The following FGF13 variants were observed in gnomAD, a reference collection of about 807,000 sequenced individuals.
FGF13 encodes fibroblast growth factor 13, also known as fibroblast growth factor homologous factor 2.
In FGF13, 2 loss-of-function variants were observed where a neutral mutation model predicts 19.5. The observed-to-expected ratio is 0.10, with a 90% CI of 0.04 to 0.32. The LOEUF (loss-of-function observed/expected upper bound fraction) is 0.32, where lower values mean the gene tolerates loss of function less well. Ranked by LOEUF, FGF13 falls within the 10% of genes least tolerant of loss-of-function variation. FGF13 has a pLI of 1.00. For synonymous variants in FGF13, 72 were observed against 76.9 expected (o/e 0.94, Z 0.33); for missense variants, 113 against 192.7 (o/e 0.59, Z 2.45).
rs762085807 is a variant in FGF13 at position 138,702,990 on chromosome X, G to A, written c.396C>T (p.Tyr132=). The A allele has an allele frequency of 2.5e-6, 3 of 1,192,106 alleles. No homozygotes were observed. The highest frequency in any genetic ancestry group is 3.4e-6 in the Non-Finnish European group (3 of 877,536). Residue 132 remains tyrosine, a synonymous_variant, in exon 3 of 5, where the codon TAC becomes TAT. Transcript: ENST00000315930. ...YLAMNSEGYL[Y]TSELFTPECK... ...CACACAGTCAAAAGCTTACCGAGGT[G>A]TACAAGTATCCCTCACTGTTCATTG...
At chrX:138,914,720 T>C (rs771528977) in intron 1 of FGF13, among the ~76,000 whole-genome samples, 1 of 105,605 alleles carries the variant, frequency 9.5e-6, no homozygotes, top group Non-Finnish European at 1.9e-5. Flanking sequence ...CAAAAAGACC[T>C]CCCATGCTTA....
chrX:138,903,284 G>A (rs1386563360), intron 1 of FGF13, among the ~76,000 whole-genome samples: 3 of 111,556 alleles, frequency 2.7e-5, no homozygotes, highest in Non-Finnish European at 5.6e-5. Context: ...CAATCAATCT[G>A]GTCCAGGAAA....
chrX:139,052,981 T>G (rs1477674281), intron 1 of FGF13, among the ~76,000 whole-genome samples: 1 of 110,410 alleles, frequency 9.1e-6, no homozygotes, highest in Non-Finnish European at 1.9e-5. Context: ...GCACACTATT[T>G]GTAGTCTTTT....
chrX:138,646,136 G>C (rs1218828727), intron 3 of FGF13, among the ~76,000 whole-genome samples: 2 of 112,185 alleles, frequency 1.8e-5, no homozygotes, highest in East Asian at 5.6e-4. Context: ...ACAACTGCTT[G>C]AATAGTTATG....
At chrX:138,866,533 T>C (rs1476035143) in intron 1 of FGF13, among the ~76,000 whole-genome samples, 1 of 111,623 alleles carries the variant, frequency 9.0e-6, no homozygotes, top group Non-Finnish European at 1.9e-5. Context: ...GCAACGGCCT[T>C]ATAATCAACC....
chrX:138,875,457 A>T (rs1351734362), intron 1 of FGF13, among the ~76,000 whole-genome samples: 2 of 111,490 alleles, frequency 1.8e-5, no homozygotes, highest in Non-Finnish European at 3.8e-5. Context: ...TAATAACTGA[A>T]TTAGTGTCAC....
chrX:138,804,690 G>A (rs1245284135), intron 3 of FGF13, among the ~76,000 whole-genome samples: 2 of 111,810 alleles, frequency 1.8e-5, no homozygotes, highest in Non-Finnish European at 3.8e-5. Flanking sequence ...AAGTACACAC[G>A]TCCTATTTTT....
At chrX:139,042,824 G>C (rs971218096) in intron 1 of FGF13, among the ~76,000 whole-genome samples, 3 of 111,393 alleles carry the variant, frequency 2.7e-5, no homozygotes, top group Non-Finnish European at 5.6e-5. Context: ...CAGATAATTG[G>C]ATTTTTAAAT....
At chrX:139,168,719 C>T (rs772334648) in intron 1 of FGF13, among the ~76,000 whole-genome samples, 2 of 111,982 alleles carry the variant, frequency 1.8e-5, no homozygotes, top group African/African-American at 3.2e-5. Flanking sequence ...TAATGTTTTA[C>T]TAAGCTAAGT....
chrX:138,904,956 C>T (rs1055336458), intron 1 of FGF13, among the ~76,000 whole-genome samples: 8 of 112,058 alleles, frequency 7.1e-5, no homozygotes, highest in African/African-American at 2.6e-4. Context: ...ACCTGCAAAT[C>T]AATATGAAAT....
chrX:138,771,537 C>T (rs1156886072), intron 3 of FGF13, among the ~76,000 whole-genome samples: 2 of 111,121 alleles, frequency 1.8e-5, no homozygotes, highest in Non-Finnish European at 3.8e-5. Context: ...TTTTTGTTTG[C>T]TACATCTGAA....
chrX:138,702,369 A>G (rs2089955701), intron 3 of FGF13, among the ~76,000 whole-genome samples: 1 of 111,494 alleles, frequency 9.0e-6, no homozygotes, highest in Admixed American at 9.5e-5. Context: ...TCCATATTGA[A>G]TTGTAATCTA....
At chrX:138,970,713 C>T (rs2091912339) in intron 1 of FGF13, among the ~76,000 whole-genome samples, 1 of 111,274 alleles carries the variant, frequency 9.0e-6, no homozygotes, top group Non-Finnish European at 1.9e-5. Context: ...CCAAACTGGT[C>T]TTCGTCTGCT....
chrX:138,849,168 A>G (rs1197850475), intron 3 of FGF13, among the ~76,000 whole-genome samples: 1 of 111,637 alleles, frequency 9.0e-6, no homozygotes, highest in African/African-American at 3.3e-5. Context: ...GAAGATGTTC[A>G]TCTGTATTAT....
chrX:138,800,353 G>C (rs1439170712), intron 3 of FGF13, among the ~76,000 whole-genome samples: 1 of 111,462 alleles, frequency 9.0e-6, no homozygotes, highest in African/African-American at 3.3e-5. Flanking sequence ...GGGTGGATAT[G>C]AAAGTCTGGG....
chrX:138,903,260 C>T (rs1217815773), intron 1 of FGF13, among the ~76,000 whole-genome samples: 1 of 111,662 alleles, frequency 9.0e-6, no homozygotes, highest in Non-Finnish European at 1.9e-5. Flanking sequence ...AAACTATACT[C>T]TATCAGCTGA....
chrX:139,033,027 CAAAAAA>C (rs758766077), intron 1 of FGF13, among the ~76,000 whole-genome samples: 4,710 of 26,914 alleles, frequency 0.18, 151 homozygotes, highest in South Asian at 0.27. Flanking sequence ...TCTGATTATC[CAAAAAA>C]AAAAAAAAAA....
chrX:139,004,584 C>T (rs766403395), intron 1 of FGF13, among the ~76,000 whole-genome samples: 1 of 112,613 alleles, frequency 8.9e-6, no homozygotes, highest in Non-Finnish European at 1.9e-5. Context: ...CACGCTGTCA[C>T]GTCTCACCAG....
intron 1 of FGF13, among the ~76,000 whole-genome samples, chrX:139,065,130 G>A (rs146695508): frequency 9.1e-6 from 1 of 110,399 alleles, no homozygotes; most frequent in Non-Finnish European, 1.9e-5. Context: ...CAACAGGCCT[G>A]CCTTACAAGA....
Sources: allele counts gnomAD v4.1 joint callset (sites outside exome capture counted in the v4.1 genomes callset), GRCh38; gene constraint gnomAD v4.1.1; transcripts MANE v1.5; gene names NCBI Gene and HGNC (gene_info 2026-07-23, HGNC 2026-07-21).